CNTN4: variants seen among roughly 807,000 people sequenced by gnomAD.
The protein encoded by CNTN4 is contactin 4, also known as contactin-4.
A neutral mutation model predicts 122.5 loss-of-function variants in CNTN4; 77 were observed. That is an observed-to-expected ratio of 0.63 (90% confidence interval 0.52 to 0.76). CNTN4 has a LOEUF of 0.76. Among genes scored for constraint, CNTN4 ranks in the 30% least tolerant of loss-of-function variants. The pLI is 0.00. For missense variants in CNTN4, 1,256 were observed against 1,259.1 expected, an observed-to-expected ratio of 1.00 and a Z score of 0.04; for synonymous variants, 512 against 447.0, an observed-to-expected ratio of 1.15 and a Z score of -1.83.
intron 4 of CNTN4, among the ~76,000 whole-genome samples, chr3:2,732,299 C>T (rs1177053637): frequency 1.3e-5 from 2 of 151,938 alleles, no homozygotes; most frequent in Non-Finnish European, 2.9e-5. Flanking sequence ...ATTAATGCAC[C>T]CCAGATTCTT....
At chr3:2,736,119 ATTTC>A in intron 4 of CNTN4, 92 bp from the exon 5 acceptor site, 1 of 1,282,386 alleles carries the variant, frequency 7.8e-7, no homozygotes, top group Non-Finnish European at 1.1e-6. Flanking sequence ...TTTTTTGTTA[ATTTC>A]TTTCTATTAT....
chr3:2,627,687 G>T (rs900193285), intron 4 of CNTN4, among the ~76,000 whole-genome samples: 1 of 151,838 alleles, frequency 6.6e-6, no homozygotes, highest in Non-Finnish European at 1.5e-5. Flanking sequence ...TAGAGACGGG[G>T]TTTCACCGTG....
At chr3:2,169,774 T>G (rs1015517728) in intron 2 of CNTN4, among the ~76,000 whole-genome samples, 1 of 152,210 alleles carries the variant, frequency 6.6e-6, no homozygotes, top group Non-Finnish European at 1.5e-5. Context: ...GTAAAACTGT[T>G]TCTGTTTTAA....
At chr3:2,706,976 A>ATGTG (rs369390925) in intron 4 of CNTN4, among the ~76,000 whole-genome samples, 2,051 of 150,824 alleles carry the variant, frequency 0.014, 20 homozygotes, top group African/African-American at 0.027. Context: ...GATTATGTGT[A>ATGTG]TGTGTGTGTG....
At chr3:2,724,630 G>C (rs1158490982) in intron 4 of CNTN4, among the ~76,000 whole-genome samples, 1 of 152,178 alleles carries the variant, frequency 6.6e-6, no homozygotes, top group Non-Finnish European at 1.5e-5. Flanking sequence ...AGCTGCCAAA[G>C]AGACAGGTGC....
At chr3:2,751,417 G>A (rs963853234) in intron 6 of CNTN4, among the ~76,000 whole-genome samples, 1 of 152,172 alleles carries the variant, frequency 6.6e-6, no homozygotes, top group Non-Finnish European at 1.5e-5. Context: ...CTGAGACTAC[G>A]CACAGCTTCA....
chr3:2,825,148 A>C (rs1238652254), intron 7 of CNTN4, among the ~76,000 whole-genome samples: 3 of 152,134 alleles, frequency 2.0e-5, no homozygotes, highest in Admixed American at 6.5e-5. Flanking sequence ...TGTGAGGCCA[A>C]GGTAGGAGGA....
intron 2 of CNTN4, among the ~76,000 whole-genome samples, chr3:2,258,990 G>C (rs1445397632): frequency 6.6e-6 from 1 of 151,968 alleles, no homozygotes; most frequent in Non-Finnish European, 1.5e-5. Context: ...AACCTTATAA[G>C]GCATAAGTGC....
intron 3 of CNTN4, among the ~76,000 whole-genome samples, chr3:2,392,308 G>C (rs1053612855): frequency 3.9e-5 from 6 of 152,060 alleles, no homozygotes; most frequent in African/African-American, 9.7e-5. Context: ...AAGTCACTTA[G>C]CTTGTTTTCT....
intron 6 of CNTN4, among the ~76,000 whole-genome samples, chr3:2,767,932 A>G (rs1405817615): frequency 1.3e-5 from 2 of 152,220 alleles, no homozygotes; most frequent in East Asian, 1.9e-4. Context: ...ATATTGTCAC[A>G]TAGCAGTGGG....
intron 2 of CNTN4, among the ~76,000 whole-genome samples, chr3:2,127,918 A>G (rs929446743): frequency 4.6e-5 from 7 of 152,228 alleles, no homozygotes; most frequent in African/African-American, 2.4e-5. Flanking sequence ...ATAACTTGTT[A>G]CTGAATTTTG....
intron 3 of CNTN4, among the ~76,000 whole-genome samples, chr3:2,407,665 A>G (rs1056183756): frequency 2.6e-5 from 4 of 152,160 alleles, no homozygotes; most frequent in African/African-American, 9.6e-5. Flanking sequence ...TTTGGTTGTG[A>G]GAAGGTGGAA....
At position 3,034,444 on chromosome 3, in the gene CNTN4, C is replaced by T. The variant is rs568156240; in HGVS notation, c.1784-188C>T. 8.5e-5 allele frequency among the ~76,000 whole-genome samples: 13 copies of T among 152,220 alleles called. No homozygotes were observed. In the South Asian group the frequency reaches 2.3e-3, roughly 27 times the overall value. On this transcript the variant is annotated intron_variant, in intron 16 of 24. Transcript: ENST00000418658. ...TAGAAGGAAGGGGCTGTGTTTCATT[C>T]ACCTCTGTGGTTTCCAAGCCCAGGA...
intron 23 of CNTN4, among the ~76,000 whole-genome samples, chr3:3,045,001 G>C: frequency 6.6e-6 from 1 of 152,194 alleles, no homozygotes; most frequent in Non-Finnish European, 1.5e-5. Context: ...CCCATGCCCG[G>C]CTCAGAGGGT....
intron 3 of CNTN4, among the ~76,000 whole-genome samples, chr3:2,521,351 A>ACCCCCCACCCCCC (rs770856406): frequency 1.7e-5 from 2 of 115,260 alleles, no homozygotes; most frequent in African/African-American, 6.7e-5. Flanking sequence ...CATCCCCCCC[A>ACCCCCCACCCCCC]CCCCCCGCAA....
At chr3:2,525,051 C>T (rs2077352230) in intron 3 of CNTN4, among the ~76,000 whole-genome samples, 1 of 152,028 alleles carries the variant, frequency 6.6e-6, no homozygotes, top group Non-Finnish European at 1.5e-5. Context: ...AGAGCCTATC[C>T]AAGTTGGAAT....
At chr3:2,219,985 G>C (rs966083642) in intron 2 of CNTN4, among the ~76,000 whole-genome samples, 5 of 151,734 alleles carry the variant, frequency 3.3e-5, no homozygotes, top group Non-Finnish European at 5.9e-5. Flanking sequence ...TTTTTTGCTT[G>C]TTCAGGTCAA....
intron 5 of CNTN4, among the ~76,000 whole-genome samples, chr3:2,737,995 A>G (rs1377018620): frequency 1.3e-5 from 2 of 152,224 alleles, no homozygotes; most frequent in African/African-American, 4.8e-5. Context: ...GAAAGAGACA[A>G]AGGGAAGCAA....
intron 3 of CNTN4, among the ~76,000 whole-genome samples, chr3:2,432,968 C>T: frequency 6.6e-6 from 1 of 151,632 alleles, no homozygotes; most frequent in East Asian, 1.9e-4. Flanking sequence ...CCACACCCAG[C>T]TCATTTGTTT....
Sources: allele counts gnomAD v4.1 joint callset (sites outside exome capture counted in the v4.1 genomes callset), GRCh38; gene constraint gnomAD v4.1.1; transcripts MANE v1.5; gene names NCBI Gene and HGNC (gene_info 2026-07-23, HGNC 2026-07-21).